The following PCDH15 variants were observed in gnomAD, a reference collection of about 807,000 sequenced individuals.
PCDH15 encodes the protein protocadherin related 15.
Under a neutral mutation model 178.5 loss-of-function variants are expected in PCDH15, and 129 were observed. The observed-to-expected ratio is 0.72, with a 90% CI of 0.63 to 0.84. PCDH15 has a LOEUF of 0.84. PCDH15 is among the 40% of genes least tolerant of loss of function. PCDH15 has a pLI of 0.00. For missense variants in PCDH15, 2,230 were observed against 2,099.9 expected (o/e 1.06, Z -1.21); for synonymous variants, 800 against 732.0 (o/e 1.09, Z -1.50).
At chr10:53,818,660 TGAG>T (rs1029447484) in intron 33 of PCDH15, among the ~76,000 whole-genome samples, 11 of 152,168 alleles carry the variant, frequency 7.2e-5, no homozygotes, top group Middle Eastern at 3.4e-3. Flanking sequence ...TGACTATACT[TGAG>T]GGGGAGAAAA....
intron 16 of PCDH15, among the ~76,000 whole-genome samples, chr10:54,084,656 A>C (rs567585862): frequency 3.0e-4 from 45 of 152,266 alleles, no homozygotes; most frequent in Middle Eastern, 3.4e-3. Context: ...ACTTCCAAAC[A>C]AAACAAGCTA....
chr10:54,701,474 T>C (rs1280694040), intron 1 of PCDH15, among the ~76,000 whole-genome samples: 1 of 152,012 alleles, frequency 6.6e-6, no homozygotes, highest in Non-Finnish European at 1.5e-5. Flanking sequence ...TGAATGTAAA[T>C]GAGCTAAATA....
At chr10:55,066,370 G>A (rs1328244150) in intron 2 of PCDH15, among the ~76,000 whole-genome samples, 2 of 150,812 alleles carry the variant, frequency 1.3e-5, no homozygotes, top group Non-Finnish European at 3.0e-5. Context: ...ATCTGTAAGT[G>A]AATGCAAAAG....
intron 12 of PCDH15, among the ~76,000 whole-genome samples, chr10:54,184,815 G>T (rs946612691): frequency 6.6e-6 from 1 of 151,730 alleles, no homozygotes; most frequent in African/African-American, 2.4e-5. Flanking sequence ...CAACAAAAAA[G>T]GTTAGGAAAT....
intron 29 of PCDH15, among the ~76,000 whole-genome samples, chr10:53,832,438 A>T (rs1456150295): frequency 6.6e-6 from 1 of 151,956 alleles, no homozygotes. Flanking sequence ...TCTTAATACA[A>T]CAACACCATA....
At chr10:54,013,706 T>A (rs2092658325) in intron 20 of PCDH15, among the ~76,000 whole-genome samples, 1 of 152,126 alleles carries the variant, frequency 6.6e-6, no homozygotes, top group Non-Finnish European at 1.5e-5. Flanking sequence ...TTCAAACTAA[T>A]GAAAACAAAG....
At chr10:54,834,559 C>A (rs1953282271) in intron 3 of PCDH15, among the ~76,000 whole-genome samples, 1 of 149,766 alleles carries the variant, frequency 6.7e-6, no homozygotes, top group Non-Finnish European at 1.5e-5. Context: ...GTGAAAAAAA[C>A]AGAATAAGAA....
chr10:55,341,843 G>T (rs1844608061), intron 2 of PCDH15, among the ~76,000 whole-genome samples: 1 of 115,592 alleles, frequency 8.7e-6, no homozygotes, highest in Non-Finnish European at 1.7e-5. Flanking sequence ...GTAGAGATGG[G>T]GTTTCACCAT....
intron 6 of PCDH15, among the ~76,000 whole-genome samples, chr10:54,339,610 C>T (rs779188635): frequency 6.6e-5 from 10 of 152,146 alleles, no homozygotes; most frequent in Non-Finnish European, 1.5e-4. Flanking sequence ...ATAGTGCAGA[C>T]TGACAAAGAT....
intron 2 of PCDH15, among the ~76,000 whole-genome samples, chr10:55,426,927 G>A (rs547247913): frequency 7.2e-5 from 11 of 152,020 alleles, no homozygotes; most frequent in Non-Finnish European, 1.5e-4. Flanking sequence ...ACACCCACCT[G>A]CTTCTCTTCT....
chr10:55,542,664 T>C lies in PCDH15; in HGVS notation c.-156+84961A>G, dbSNP rs537416573. ...ATATGTATGTGTCTATATAGGTACA[T>C]ACAGACATATGTATGTGTCTATATA... On this transcript the variant is annotated intron_variant, in intron 2 of 5. Transcript: ENST00000613346. Among the ~76,000 whole-genome samples the C allele has an allele frequency of 3.5e-3, 408 of 116,220 alleles. 5 individuals carry two copies. The highest frequency in any genetic ancestry group is 0.013 in the African/African-American group (388 of 30,772). The allele number at this position is 116,220 out of a possible 152,430, so 76.2% of individuals were successfully genotyped here.
chr10:53,812,052 C>T (rs1461437295), intron 35 of PCDH15, among the ~76,000 whole-genome samples: 1 of 152,024 alleles, frequency 6.6e-6, no homozygotes, highest in African/African-American at 2.4e-5. Context: ...TTCATCTCCC[C>T]ACTAACAGTT....
intron 15 of PCDH15, among the ~76,000 whole-genome samples, chr10:54,099,498 C>CAAAAAAAAAAAAAAAA (rs755057091): frequency 2.0e-5 from 1 of 49,960 alleles, no homozygotes; most frequent in Non-Finnish European, 3.3e-5. Flanking sequence ...GACTCCATCT[C>CAAAAAAAAAAAAAAAA]AAAAAAAAAA....
At chr10:55,388,083 T>C (rs988008806) in intron 2 of PCDH15, among the ~76,000 whole-genome samples, 3 of 152,000 alleles carry the variant, frequency 2.0e-5, no homozygotes, top group Non-Finnish European at 2.9e-5. Flanking sequence ...ATCAGAAAAA[T>C]AGTGGTCTGC....
intron 1 of PCDH15, among the ~76,000 whole-genome samples, chr10:54,720,587 C>T (rs187538798): frequency 6.8e-4 from 103 of 151,756 alleles, no homozygotes; most frequent in African/African-American, 2.3e-3. Context: ...ATGAAATAGT[C>T]TTTCCAAGAC....
intron 21 of PCDH15, among the ~76,000 whole-genome samples, chr10:53,990,221 C>T (rs1332173056): frequency 3.9e-5 from 6 of 152,032 alleles, no homozygotes; most frequent in Non-Finnish European, 8.8e-5. Flanking sequence ...AACCCCTTTG[C>T]AAATAATTCC....
intron 1 of PCDH15, among the ~76,000 whole-genome samples, chr10:55,230,610 C>T (rs1044555130): frequency 4.6e-5 from 7 of 151,834 alleles, no homozygotes; most frequent in African/African-American, 9.7e-5. Context: ...AAGAAATAAT[C>T]GGCAGAGGTA....
At chr10:54,682,844 C>T (rs534756658) in intron 1 of PCDH15, among the ~76,000 whole-genome samples, 88 of 152,136 alleles carry the variant, frequency 5.8e-4, no homozygotes, top group South Asian at 1.7e-3. Context: ...TCTGTTAACC[C>T]ATAAGAAAAC....
chr10:53,839,519 G>A lies in PCDH15; in HGVS notation c.3983+801C>T, dbSNP rs2077513600. Reference sequence around the variant, plus strand: ...ACTAAATTATGATGTTTCACATATAGAGTTCGGCATGACTATATATACAGG... The same window carrying A: ...ACTAAATTATGATGTTTCACATATAAAGTTCGGCATGACTATATATACAGG... On this transcript the variant is annotated intron_variant, in intron 29 of 37. Coordinates refer to ENST00000644397, the MANE Select transcript of PCDH15 (RefSeq NM_001384140.1). Among the ~76,000 whole-genome samples, 3 of 151,970 alleles carry A rather than the reference G, an allele frequency of 2.0e-5. No homozygotes were observed. The South Asian group carries it at 6.2e-4, about 32-fold the overall frequency.
Sources: allele counts gnomAD v4.1 joint callset (sites outside exome capture counted in the v4.1 genomes callset), GRCh38; gene constraint gnomAD v4.1.1; transcripts MANE v1.5; gene names NCBI Gene and HGNC (gene_info 2026-07-23, HGNC 2026-07-21).